The following NKAIN2 variants were observed in gnomAD, a reference collection of about 807,000 sequenced individuals.
NKAIN2 encodes the protein sodium/potassium-transporting ATPase subunit beta-1-interacting protein 2.
Under a neutral mutation model 32.6 loss-of-function variants are expected in NKAIN2, and 14 were observed. The ratio of observed to expected loss-of-function variants is 0.43; its 90% confidence interval spans 0.28 to 0.67. NKAIN2 has a LOEUF of 0.67. NKAIN2 is among the 30% of genes least tolerant of loss of function. The pLI is 0.17. For synonymous variants in NKAIN2, 80 were observed against 87.2 expected (o/e 0.92, Z 0.46); for missense variants, 198 against 258.3 (o/e 0.77, Z 1.60).
At position 123,976,476 on chromosome 6, in the gene NKAIN2, T is replaced by C. The variant is rs534252908; in HGVS notation, c.54+172222T>C. 8.5e-5 allele frequency among the ~76,000 whole-genome samples: 12 copies of C among 140,502 alleles called. No individual in the cohort carries two copies. In the South Asian group the frequency reaches 2.8e-3, roughly 33 times the overall value. The allele number at this position is 140,502 out of a possible 152,430, so 92.2% of individuals were successfully genotyped here. A position where few individuals can be genotyped will look rare whatever the true frequency, so the allele number is the denominator to read the frequency against. On this transcript the variant is annotated intron_variant, in intron 1 of 6. Transcript: ENST00000368417. ...CATGTGATTGTGGGGACTAAAAAAT[T>C]CAAAATCCTCAGCATGGGCTGGCAG...
At chr6:123,852,293 GT>G (rs1775380886) in intron 1 of NKAIN2, among the ~76,000 whole-genome samples, 10 of 133,608 alleles carry the variant, frequency 7.5e-5, no homozygotes, top group Non-Finnish European at 1.6e-4. Flanking sequence ...CTTTTTTTTT[GT>G]GATGAGCACT....
Position 124,712,198 on chromosome 6 carries a change from G to A in NKAIN2, c.474+53812G>A, listed in dbSNP as rs540954305. ...GTTCTCAGATCTCCAGCTGCGTGCT[G>A]GGAGAACCACTGCTCTCTTCAAAGC... On this transcript the variant is annotated intron_variant, in intron 4 of 6. Transcript: ENST00000368417. 2.7e-5 allele frequency among the ~76,000 whole-genome samples: 4 copies of A among 150,576 alleles called. No individual in the cohort carries two copies. The East Asian group carries it at 5.9e-4, about 22-fold the overall frequency.
At position 124,366,734 on chromosome 6, in the gene NKAIN2, C is replaced by T. The variant is rs144070610; in HGVS notation, c.273+11387C>T. On this transcript the variant is annotated intron_variant, in intron 3 of 6. Transcript: ENST00000368417. ...GGTGGATCACCTGAGCTAGACCAGC[C>T]TCAGCAACATGGTGAAACCCCATCG... Among the ~76,000 whole-genome samples, 220 of 151,998 alleles carry T rather than the reference C, an allele frequency of 1.4e-3. 1 individual carries two copies. The highest frequency in any genetic ancestry group is 5.1e-3 in the African/African-American group (213 of 41,476).
intron 3 of NKAIN2, among the ~76,000 whole-genome samples, chr6:124,639,644 A>AG (rs960907518): frequency 6.6e-6 from 1 of 152,168 alleles, no homozygotes; most frequent in Non-Finnish European, 1.5e-5. Flanking sequence ...GAAAAAAAAA[A>AG]GTATATATAA....
At chr6:124,762,927 C>A (rs181807680) in intron 4 of NKAIN2, among the ~76,000 whole-genome samples, 1 of 152,278 alleles carries the variant, frequency 6.6e-6, no homozygotes, top group East Asian at 1.9e-4. Context: ...GGATTTTATT[C>A]TGTCAGTGAC....
At chr6:124,360,431 G>A (rs573930362) in intron 3 of NKAIN2, among the ~76,000 whole-genome samples, 6 of 152,098 alleles carry the variant, frequency 3.9e-5, no homozygotes, top group Non-Finnish European at 8.8e-5. Flanking sequence ...ATATTGAAAT[G>A]ACTTAATTTC....
At chr6:124,516,326 A>G (rs1262816535) in intron 3 of NKAIN2, among the ~76,000 whole-genome samples, 2 of 152,178 alleles carry the variant, frequency 1.3e-5, no homozygotes, top group Admixed American at 6.5e-5. Flanking sequence ...AGGGTAGAAC[A>G]TATCAATTAG....
intron 1 of NKAIN2, among the ~76,000 whole-genome samples, chr6:124,190,291 T>C (rs573669585): frequency 6.6e-6 from 1 of 152,344 alleles, no homozygotes; most frequent in South Asian, 2.1e-4. Flanking sequence ...GTAAAGCACT[T>C]TGTAAATTAT....
intron 1 of NKAIN2, among the ~76,000 whole-genome samples, chr6:124,074,913 A>T (rs1438367081): frequency 6.6e-6 from 1 of 152,184 alleles, no homozygotes; most frequent in African/African-American, 2.4e-5. Context: ...GTTCCTTGAG[A>T]ACAAAATCTA....
At chr6:124,369,674 G>A (rs559676883) in intron 3 of NKAIN2, among the ~76,000 whole-genome samples, 64 of 152,082 alleles carry the variant, frequency 4.2e-4, no homozygotes, top group Non-Finnish European at 7.6e-4. Flanking sequence ...TCCCAAAATA[G>A]TTTCAAAATT....
intron 1 of NKAIN2, among the ~76,000 whole-genome samples, chr6:124,098,597 A>G (rs2114943192): frequency 6.6e-6 from 1 of 152,280 alleles, no homozygotes; most frequent in South Asian, 2.1e-4. Context: ...TGGGCCGGGC[A>G]TGGCAACTCA....
At chr6:124,043,526 A>G (rs1781972773) in intron 1 of NKAIN2, among the ~76,000 whole-genome samples, 1 of 152,076 alleles carries the variant, frequency 6.6e-6, no homozygotes, top group African/African-American at 2.4e-5. Context: ...CAAACTTTGC[A>G]TATAAACTCA....
chr6:124,523,112 C>T (rs1356535103), intron 3 of NKAIN2, among the ~76,000 whole-genome samples: 2 of 31,740 alleles, frequency 6.3e-5, no homozygotes, highest in Non-Finnish European at 5.2e-4. Context: ...CACAGCACTC[C>T]CGCCTGGGCG....
At chr6:123,902,721 A>G (rs1281931909) in intron 1 of NKAIN2, among the ~76,000 whole-genome samples, 1 of 152,202 alleles carries the variant, frequency 6.6e-6, no homozygotes, top group Non-Finnish European at 1.5e-5. Context: ...GAAGGTTTAT[A>G]TTTGCTTCAT....
intron 1 of NKAIN2, among the ~76,000 whole-genome samples, chr6:124,281,465 A>C (rs1795293836): frequency 6.6e-6 from 1 of 152,232 alleles, no homozygotes; most frequent in African/African-American, 2.4e-5. Flanking sequence ...TATAAAGCTT[A>C]AGTGATATTC....
At chr6:123,989,099 C>T (rs868281361) in intron 1 of NKAIN2, among the ~76,000 whole-genome samples, 3 of 152,004 alleles carry the variant, frequency 2.0e-5, no homozygotes, top group East Asian at 1.9e-4. Context: ...TAAACTGGAG[C>T]GTGAATATCC....
At chr6:124,586,259 A>G (rs551547755) in intron 3 of NKAIN2, among the ~76,000 whole-genome samples, 1 of 152,216 alleles carries the variant, frequency 6.6e-6, no homozygotes, top group Non-Finnish European at 1.5e-5. Flanking sequence ...AGTGACAGGT[A>G]CTGGTAAGTA....
intron 3 of NKAIN2, among the ~76,000 whole-genome samples, chr6:124,622,966 T>C (rs943323868): frequency 2.0e-5 from 3 of 152,128 alleles, no homozygotes; most frequent in Non-Finnish European, 4.4e-5. Flanking sequence ...AAAACAGGAA[T>C]GCCTGTACTC....
chr6:124,105,356 G>A (rs564229983), intron 1 of NKAIN2, among the ~76,000 whole-genome samples: 3 of 152,238 alleles, frequency 2.0e-5, no homozygotes, highest in African/African-American at 7.2e-5. Flanking sequence ...GGGGCCAGTG[G>A]TAGAGTCCGG....
Sources: gnomAD v4.1 joint callset for allele counts (sites outside exome capture counted in the v4.1 genomes callset) on GRCh38, gnomAD v4.1.1 for gene constraint, MANE v1.5 for transcripts, NCBI Gene and HGNC (gene_info 2026-07-23, HGNC 2026-07-21) for gene names.